The following CUBN variants were observed in gnomAD, a reference collection of about 807,000 sequenced individuals.
The protein encoded by CUBN is 460 kDa receptor.
A neutral mutation model predicts 405.3 loss-of-function variants in CUBN; 282 were observed. The observed-to-expected ratio is 0.70, with a 90% CI of 0.63 to 0.77. CUBN has a LOEUF of 0.77. Among genes scored for constraint, CUBN ranks in the 30% least tolerant of loss-of-function variants. The pLI is 0.00. For synonymous variants in CUBN, 1,684 were observed against 1,617.0 expected, an observed-to-expected ratio of 1.04 and a Z score of -0.99; for missense variants, 4,514 against 4,475.2, an observed-to-expected ratio of 1.01 and a Z score of -0.25.
In CUBN at chr10:16,890,332, C is replaced by G. The variant is rs755059127; in HGVS notation, c.8755+39G>C. 2.5e-6 allele frequency: 4 copies of G among 1,610,306 alleles called. No homozygotes were observed. The East Asian group carries it at 8.9e-5, about 36-fold the overall frequency. On this transcript the variant is annotated intron_variant, in intron 55 of 66. Coordinates refer to ENST00000377833, the MANE Select transcript of CUBN (RefSeq NM_001081.4). ...CTGCCTGCCTGTGACAACCACACTC[C>G]CGCAAAGACCTCTGGGTTTGGTTCT...
At chr10:17,120,738 G>A (rs1246538564) in intron 6 of CUBN, among the ~76,000 whole-genome samples, 3 of 152,156 alleles carry the variant, frequency 2.0e-5, no homozygotes, top group Non-Finnish European at 4.4e-5. Context: ...TTTTGCAGGG[G>A]GAAGAAATAA....
intron 51 of CUBN, among the ~76,000 whole-genome samples, chr10:16,902,272 T>C (rs1479096717): frequency 7.1e-6 from 1 of 140,140 alleles, no homozygotes; most frequent in African/African-American, 2.6e-5. Flanking sequence ...TATATATATT[T>C]GTATATATAT....
intron 28 of CUBN, among the ~76,000 whole-genome samples, chr10:17,010,147 G>A (rs181450087): frequency 1.1e-4 from 16 of 152,340 alleles, no homozygotes; most frequent in African/African-American, 2.6e-4. Flanking sequence ...TGGGTAGCAC[G>A]TATGCTCTGG....
intron 17 of CUBN, among the ~76,000 whole-genome samples, chr10:17,079,321 C>T (rs1438386975): frequency 6.0e-5 from 9 of 151,244 alleles, no homozygotes; most frequent in African/African-American, 1.5e-4. Flanking sequence ...CTGCAACCTC[C>T]ACCTCTTGGA....
chr10:17,105,316 T>G, intron 11 of CUBN, 141 bp downstream of exon 11: 2 of 733,790 alleles, frequency 2.7e-6, no homozygotes, highest in Non-Finnish European at 5.0e-6. Context: ...TTATCTATCT[T>G]TCATCTGAGA....
At chr10:16,862,666 A>G (rs749351077) in intron 59 of CUBN, among the ~76,000 whole-genome samples, 16 of 152,184 alleles carry the variant, frequency 1.1e-4, no homozygotes, top group Non-Finnish European at 1.9e-4. Flanking sequence ...TGCTCACTGC[A>G]TATATTTTGT....
chr10:16,873,253 A>C (rs1840409670), intron 58 of CUBN, among the ~76,000 whole-genome samples: 1 of 152,204 alleles, frequency 6.6e-6, no homozygotes, highest in African/African-American at 2.4e-5. Flanking sequence ...AGGTGAAAAC[A>C]GTCTTGAACT....
intron 28 of CUBN, among the ~76,000 whole-genome samples, chr10:17,018,621 G>C (rs1834406890): frequency 6.6e-6 from 1 of 152,142 alleles, no homozygotes; most frequent in South Asian, 2.1e-4. Context: ...ACCCGAGTGG[G>C]TTGCCGCTGC....
rs539121857 is a variant in CUBN, at chr10:16,907,455, C to T, written c.7705+53G>A. 12 of 1,574,184 alleles carry T rather than the reference C, an allele frequency of 7.6e-6. No individual in the cohort carries two copies. The African/African-American group carries it at 1.6e-4, about 21-fold the overall frequency. ...TGCTGCCATTGGCAGTAGATGGGGG[C>T]ATCTGCAGTGCCCCTGATTAAAATG... On this transcript the variant is annotated intron_variant, in intron 49 of 66. Transcript: ENST00000377833.
At position 16,933,118 on chromosome 10, in the gene CUBN, C is replaced by T. The variant is rs141470763; in HGVS notation, c.6093G>A (p.Thr2031=). The T allele has an allele frequency of 1.5e-5, 25 of 1,614,014 alleles. 1 individual carries two copies. The highest frequency in any genetic ancestry group is 8.9e-5 in the East Asian group (4 of 44,874). Residue 2031 remains threonine, a synonymous_variant, in exon 40 of 67, where the codon ACG becomes ACA. Transcript: ENST00000377833. ...GTATCACAAGGCTATCATAGGCACA[C>T]GTTCGGTGAGATTCAATGTCCAGGG... ...ILSLDIESHR[T]CAYDSLVIRD...
At position 17,116,728 on chromosome 10, in the gene CUBN, A is replaced by C. The variant is rs545746142; in HGVS notation, c.594-1131T>G. Among the ~76,000 whole-genome samples, 5 of 152,326 alleles carry C rather than the reference A, an allele frequency of 3.3e-5. No homozygotes were observed. The South Asian group carries it at 1.0e-3, about 32-fold the overall frequency. On this transcript the variant is annotated intron_variant, in intron 6 of 66. Coordinates refer to ENST00000377833, the MANE Select transcript of CUBN (RefSeq NM_001081.4). ...AGGCATCAAGAACCAACCTCCAGGC[A>C]CAGGATTCGGCTTGCCTGTGGTGGG... is the stretch of plus-strand genomic sequence containing the variant.
chr10:16,987,787 C>T (rs974772983), intron 29 of CUBN, among the ~76,000 whole-genome samples: 19 of 152,138 alleles, frequency 1.2e-4, no homozygotes, highest in Admixed American at 9.8e-4. Context: ...TTTATTACAG[C>T]GTTTTCCAAA....
intron 39 of CUBN, among the ~76,000 whole-genome samples, chr10:16,933,661 G>A (rs1402124295): frequency 6.6e-6 from 1 of 151,702 alleles, no homozygotes; most frequent in African/African-American, 2.4e-5. Context: ...AGTTACTTTT[G>A]TAATTTATAT....
intron 56 of CUBN, among the ~76,000 whole-genome samples, chr10:16,881,789 T>TA (rs933701389): frequency 2.0e-5 from 3 of 152,130 alleles, no homozygotes; most frequent in African/African-American, 7.2e-5. Context: ...TAAGAAAATA[T>TA]AAAAAATTAA....
chr10:16,915,012 G>A lies in CUBN; in HGVS notation c.7351+20C>T, dbSNP rs1157098155. The A allele has an allele frequency of 3.1e-6, 5 of 1,609,476 alleles. 1 individual carries two copies. The highest frequency in any genetic ancestry group is 2.5e-6 in the Non-Finnish European group (3 of 1,176,480). ...CAATGCAGGTGCTCAATGTTGTGTT[G>A]AATGAATCAATGAACTCACCTTCCA... On this transcript the variant is annotated intron_variant, in intron 47 of 66. Transcript: ENST00000377833.
chr10:17,129,062 CA>C, intron 2 of CUBN, 58 bp downstream of exon 2: 2 of 1,389,612 alleles, frequency 1.4e-6, no homozygotes, highest in South Asian at 1.2e-5. Flanking sequence ...TAGACTTGTT[CA>C]ATTAAGTCAC....
Position 17,071,546 on chromosome 10 carries a change from C to G in CUBN, c.2505G>C (p.Val835=). 1.2e-6 allele frequency: 2 copies of G among 1,613,912 alleles called. No homozygotes were observed. Among genetic ancestry groups the G allele is most frequent in the South Asian group, 2.2e-5 (2 of 91,070 alleles). The change falls in exon 19 of 67, where the codon GTG becomes GTC. Residue 835 remains valine, a synonymous_variant. Transcript: ENST00000377833. ...ACCTACAGGTTCTTTCTCCAGGATACACGTTAGGAAAAAAAGGCGAGCGAA... is the reference window on the plus strand; with the variant it reads ...ACCTACAGGTTCTTTCTCCAGGATAGACGTTAGGAAAAAAAGGCGAGCGAA... ...GVIRSPFFPN[V]YPGERTCRWT...
chr10:16,992,341 G>A (rs372154129), intron 28 of CUBN, among the ~76,000 whole-genome samples: 1 of 152,172 alleles, frequency 6.6e-6, no homozygotes, highest in Admixed American at 6.5e-5. Context: ...GCATACATAT[G>A]TGACAAACCT....
chr10:17,088,321 G>A lies in CUBN; in HGVS notation c.1790C>T (p.Pro597Leu). ...CCCCGGAGACTTAATAGAACCGTAA[G>A]GACCAGTCAGGATACCTCCACACTC... ...QPECGGILTGPYGSIKSPGYP... is the reference protein window; with the variant it reads ...QPECGGILTGLYGSIKSPGYP... Residue 597 changes from proline (P) to leucine (L), a missense_variant, in exon 15 of 67, where the codon CCT (proline) becomes CTT (leucine). Pro to Leu is a moderately conservative substitution (Grantham distance 98, BLOSUM62 -3). This residue lies in a region of CUBN where 1,448 missense variants were observed against 1,388.0 expected (regional missense o/e 1.04). Coordinates refer to ENST00000377833, the MANE Select transcript of CUBN (RefSeq NM_001081.4). The A allele has an allele frequency of 1.9e-6, 3 of 1,612,390 alleles. No individual in the cohort carries two copies. The highest frequency in any genetic ancestry group is 2.5e-6 in the Non-Finnish European group (3 of 1,178,524).
Sources: allele counts gnomAD v4.1 joint callset (sites outside exome capture counted in the v4.1 genomes callset), GRCh38; gene constraint gnomAD v4.1.1; regional missense constraint gnomAD v4.1.1; transcripts MANE v1.5; gene names NCBI Gene and HGNC (gene_info 2026-07-23, HGNC 2026-07-21).